Variants in ITGA2B observed in about 807,000 individuals in gnomAD.
ITGA2B encodes the protein integrin alpha-IIb.
ITGA2B carries 91 observed loss-of-function variants against 142.0 expected under a neutral mutation model. The ratio of observed to expected loss-of-function variants is 0.64; its 90% CI spans 0.54 to 0.76. The LOEUF (loss-of-function observed/expected upper bound fraction) is 0.76, where lower values mean the gene tolerates loss of function less well. ITGA2B is among the 30% of genes least tolerant of loss of function. The pLI is 0.00. For missense variants in ITGA2B, 1,231 were observed against 1,350.8 expected (o/e 0.91, Z 1.39); for synonymous variants, 536 against 567.2 (o/e 0.94, Z 0.78).
In ITGA2B at chr17:44,374,759, C is replaced by T; in HGVS notation, c.2843G>A (p.Arg948Lys). Residue 948 changes from arginine to lysine, a missense_variant and splice_region_variant, in exon 28 of 30, where the codon AGG becomes AAG. Around this residue, in one of 3 missense-constraint regions of ITGA2B, gnomAD observed 908 missense variants for 1,021.1 expected, o/e 0.89. Coordinates refer to ENST00000262407, the MANE Select transcript of ITGA2B (RefSeq NM_000419.5). Reference protein sequence around the residue: ...AFLWLPSLYQRPLDQFVLQSH... With the variant: ...AFLWLPSLYQKPLDQFVLQSH... ...CTGCAGCACAAACTGATCCAGAGGC[C>T]TCTGGACAGGTTGGGGTTGAAAGCC... The T allele has an allele frequency of 3.1e-6, 5 of 1,613,812 alleles. No individual in the cohort carries two copies. Among genetic ancestry groups the T allele is most frequent in the Non-Finnish European group, 4.2e-6 (5 of 1,179,792 alleles).
At position 44,386,042 on chromosome 17, in the gene ITGA2B, C is replaced by T. The variant is rs1046721325; in HGVS notation, c.278G>A (p.Gly93Asp). ...GVFLCPWRAE[G>D]GQCPSLLFDL... is the part of the protein sequence containing the mutation. ...AAAGAGCAGCGAGGGGCACTGGCCG[C>T]CCTCGGCCCTCCAGGGGCACAGGAA... Residue 93 changes from glycine (G) to aspartate (D), a missense_variant, in exon 2 of 30, where the codon GGC becomes GAC. Gly to Asp is a moderately conservative substitution (Grantham distance 94, BLOSUM62 -1). Transcript: ENST00000262407. The T allele has an allele frequency of 6.8e-6, 11 of 1,613,110 alleles. No homozygotes were observed. In the African/African-American group the frequency reaches 1.3e-4, roughly 20 times the overall value.
chr17:44,376,081 A>G lies in ITGA2B; in HGVS notation c.2448+4T>C, dbSNP rs537825824. On this transcript the variant is annotated splice_donor_region_variant and intron_variant, in intron 24 of 29. Coordinates refer to ENST00000262407, the MANE Select transcript of ITGA2B (RefSeq NM_000419.5). ...CCAGCCAGGGACGCGAGGCTCCCCAATACCTCATAGGTGTGCTCCACTTTG... is the reference window on the plus strand; with the variant it reads ...CCAGCCAGGGACGCGAGGCTCCCCAGTACCTCATAGGTGTGCTCCACTTTG... The G allele has an allele frequency of 5.6e-5, 91 of 1,614,058 alleles. 1 individual carries two copies. In the South Asian group the frequency reaches 9.3e-4, roughly 17 times the overall value.
At chr17:44,385,762 C>T (rs957812524) in intron 3 of ITGA2B, 46 bp from the exon 4 acceptor site, 6 of 1,613,026 alleles carry the variant, frequency 3.7e-6, no homozygotes, top group African/African-American at 1.3e-5. Flanking sequence ...GACTTGGGCT[C>T]CTCCTGGCCC....
intron 20 of ITGA2B, among the ~76,000 whole-genome samples, 199 bp from the exon 21 acceptor site, chr17:44,377,989 TAAA>T (rs899171283): frequency 2.6e-5 from 4 of 151,894 alleles, no homozygotes; most frequent in Admixed American, 6.6e-5. Flanking sequence ...ATTTTGGAAA[TAAA>T]AAACACAAAA....
At chr17:44,384,769 G>C (rs1379330636) in intron 7 of ITGA2B, among the ~76,000 whole-genome samples, 179 bp downstream of exon 7, 1 of 152,204 alleles carries the variant, frequency 6.6e-6, no homozygotes, top group Admixed American at 6.5e-5. Context: ...GGAAGGGAGC[G>C]GTGGGCGCAT....
At chr17:44,385,098 G>T (rs913504199) in intron 6 of ITGA2B, 22 bp from the exon 7 acceptor site, 2 of 1,614,158 alleles carry the variant, frequency 1.2e-6, no homozygotes, top group Non-Finnish European at 1.7e-6. Flanking sequence ...GGGACAGCGG[G>T]TGTGAAGCCC....
chr17:44,387,620 G>A (rs1201630213), intron 1 of ITGA2B, among the ~76,000 whole-genome samples: 1 of 151,472 alleles, frequency 6.6e-6, no homozygotes, highest in Non-Finnish European at 1.5e-5. Flanking sequence ...GAAGTTGGGA[G>A]TTCGAGACCA....
rs1376804511 is a variant in ITGA2B, at chr17:44,383,928, G to A, written c.964C>T (p.His322Tyr). The A allele has an allele frequency of 6.2e-7, 1 of 1,614,030 alleles. No homozygotes were observed. The change falls in exon 11 of 30, where the codon CAT (histidine) becomes TAT (tyrosine). Residue 322 changes from histidine (H) to tyrosine (Y), a missense_variant. Physicochemically the swap from His to Tyr is moderately conservative, Grantham distance 83 (BLOSUM62 2). This residue lies in a region of ITGA2B where 908 missense variants were observed against 1,021.1 expected (regional missense o/e 0.89). Coordinates refer to ENST00000262407, the MANE Select transcript of ITGA2B (RefSeq NM_000419.5). ...RGEQMASYFG[H>Y]SVAVTDVNGD... ...TTGACGTCAGTGACAGCCACTGAAT[G>A]CCCAAAATACGACGCCATCTGCAAG...
At chr17:44,387,980 G>A (rs2048665290) in intron 1 of ITGA2B, among the ~76,000 whole-genome samples, 1 of 152,090 alleles carries the variant, frequency 6.6e-6, no homozygotes, top group African/African-American at 2.4e-5. Flanking sequence ...CACTGGATGT[G>A]GGCCATCTTG....
intron 1 of ITGA2B, among the ~76,000 whole-genome samples, chr17:44,387,826 CAAAAAAAAAAA>C (rs980395817): frequency 2.9e-4 from 7 of 24,558 alleles, no homozygotes; most frequent in Admixed American, 1.3e-3. Flanking sequence ...AACCCCATCT[CAAAAAAAAAAA>C]AAAAAAAAAA....
chr17:44,384,310 C>T lies in ITGA2B; in HGVS notation c.891+1G>A. 1 of 1,613,278 alleles carries T rather than the reference C, an allele frequency of 6.2e-7. No individual in the cohort carries two copies. Among genetic ancestry groups the T allele is most frequent in the Non-Finnish European group, 8.5e-7 (1 of 1,179,898 alleles). On this transcript the variant is annotated splice_donor_variant, in intron 9 of 29. Transcript: ENST00000262407. LOFTEE classifies it high-confidence loss of function. ...GGAGGCCCAGTGGTGGGGGCACTTA[C>T]CGCTCCCAGGGTCCAGCTCCAAGTG...
Position 44,374,978 on chromosome 17 carries a change from C to T in ITGA2B, c.2841+20G>A. The T allele has an allele frequency of 6.6e-7, 1 of 1,511,372 alleles. No homozygotes were observed. The highest frequency in any genetic ancestry group is 2.5e-5 in the East Asian group (1 of 40,774). The allele number at this position is 1,511,372 out of a possible 1,614,324, so 93.6% of individuals were successfully genotyped here. On this transcript the variant is annotated intron_variant, in intron 27 of 29. Transcript: ENST00000262407. ...CCCCGCCCAGAAGGCCCGGCCCCGC[C>T]CCACCACGGCCCACCCCACCTGGTA...
chr17:44,384,623 G>A, intron 7 of ITGA2B, 38 bp from the exon 8 acceptor site: 2 of 1,611,368 alleles, frequency 1.2e-6, no homozygotes, highest in Non-Finnish European at 1.7e-6. Context: ...TTCCAGGGGA[G>A]GAAGCACAGA....
chr17:44,385,623 T>C lies in ITGA2B; in HGVS notation c.502A>G (p.Ser168Gly), dbSNP rs1395496381. The change falls in exon 4 of 30, where the codon AGC becomes GGC. Residue 168 changes from serine to glycine, a missense_variant. By Grantham distance (56) the Ser-to-Gly change is moderately conservative (BLOSUM62 0). Coordinates refer to ENST00000262407, the MANE Select transcript of ITGA2B (RefSeq NM_000419.5). Reference sequence around the variant, plus strand: ...GGGGAGTACTCGGCGCGGCGGCCGCTCTCTGGCTGAGCCAAAAAGCAGCTA... The same window carrying C: ...GGGGAGTACTCGGCGCGGCGGCCGCCCTCTGGCTGAGCCAAAAAGCAGCTA... ...VGSCFLAQPE[S>G]GRRAEYSPCR... 2 of 1,613,030 alleles carry C rather than the reference T, an allele frequency of 1.2e-6. No homozygotes were observed. The highest frequency in any genetic ancestry group is 3.3e-5 in the Admixed American group (2 of 59,996).
Position 44,372,234 on chromosome 17 carries a change from T to C in ITGA2B, c.*130A>G. 4.5e-6 allele frequency: 4 copies of C among 881,296 alleles called. No homozygotes were observed. The highest frequency in any genetic ancestry group is 7.4e-6 in the Non-Finnish European group (4 of 537,880). 54.6% of individuals were successfully genotyped at this position (881,296 alleles called of 1,614,324 possible). On this transcript the variant is annotated 3_prime_UTR_variant, in exon 30 of 30. Transcript: ENST00000262407. ...AGGAGGGGGGGTAGCCCAGCTCTGTTGGGAGGGAAACGACACCAAGAGGAC... is the reference window on the plus strand; with the variant it reads ...AGGAGGGGGGGTAGCCCAGCTCTGTCGGGAGGGAAACGACACCAAGAGGAC...
chr17:44,382,013 T>C lies in ITGA2B; in HGVS notation c.1211-952A>G, dbSNP rs187054209. Among the ~76,000 whole-genome samples, 541 of 152,238 alleles carry C rather than the reference T, an allele frequency of 3.6e-3. 1 individual carries two copies. Among genetic ancestry groups the C allele is most frequent in the African/African-American group, 0.012 (511 of 41,540 alleles). On this transcript the variant is annotated intron_variant, in intron 12 of 29. Coordinates refer to ENST00000262407, the MANE Select transcript of ITGA2B (RefSeq NM_000419.5). ...TTCAGCAGGTGACGTAATCTCTTAC[T>C]TCAGGAAGAGAGGCAGCCCACTGTT...
chr17:44,384,231 G>A (rs2048623154), intron 9 of ITGA2B, 80 bp downstream of exon 9: 9 of 1,586,364 alleles, frequency 5.7e-6, no homozygotes, highest in Non-Finnish European at 2.6e-6. Context: ...AGGCGGGGCG[G>A]GGGTGGGGGG....
intron 2 of ITGA2B, 43 bp downstream of exon 2, chr17:44,385,967 C>T (rs371481419): frequency 1.8e-5 from 29 of 1,614,044 alleles, no homozygotes; most frequent in African/African-American, 2.7e-5. Flanking sequence ...CGGCAGTCCA[C>T]GTCCCTCTGA....
At chr17:44,375,253 C>T (rs2048530864) in intron 26 of ITGA2B, 142 bp from the exon 27 acceptor site, 1 of 738,740 alleles carries the variant, frequency 1.4e-6, no homozygotes, top group African/African-American at 1.7e-5. Context: ...GCCTTGGATC[C>T]AAGCTTCGGA....
Sources: allele counts gnomAD v4.1 joint callset (sites outside exome capture counted in the v4.1 genomes callset), GRCh38; gene constraint gnomAD v4.1.1; regional missense constraint gnomAD v4.1.1; transcripts MANE v1.5; gene names NCBI Gene and HGNC (gene_info 2026-07-23, HGNC 2026-07-21).